PLCE1: variants seen among roughly 807,000 people sequenced by gnomAD.
The protein encoded by PLCE1 is 1-phosphatidylinositol 4,5-bisphosphate phosphodiesterase epsilon-1.
Under a neutral mutation model 242.8 loss-of-function variants are expected in PLCE1, and 119 were observed. That is an observed-to-expected ratio of 0.49 (90% CI 0.42 to 0.57). The LOEUF (loss-of-function observed/expected upper bound fraction) is 0.57, where lower values mean the gene tolerates loss of function less well. Among genes scored for constraint, PLCE1 ranks in the 20% least tolerant of loss-of-function variants. PLCE1 has a pLI of 0.00. For synonymous variants in PLCE1, 945 were observed against 1,017.4 expected (o/e 0.93, Z 1.35); for missense variants, 2,441 against 2,788.8 (o/e 0.88, Z 2.81).
At chr10:94,294,986 T>C (rs2052761822) in intron 23 of PLCE1, among the ~76,000 whole-genome samples, 1 of 149,466 alleles carries the variant, frequency 6.7e-6, no homozygotes, top group African/African-American at 2.5e-5. Flanking sequence ...CAAGATCTTG[T>C]CTCACTGCAA....
At chr10:94,017,459 C>A (rs74668500) in intron 1 of PLCE1, among the ~76,000 whole-genome samples, 1 of 152,176 alleles carries the variant, frequency 6.6e-6, no homozygotes, top group East Asian at 1.9e-4. Context: ...ATTTTTAATT[C>A]TATCCAAAAC....
At chr10:94,083,799 T>C (rs1333098436) in intron 2 of PLCE1, among the ~76,000 whole-genome samples, 2 of 152,226 alleles carry the variant, frequency 1.3e-5, no homozygotes, top group Non-Finnish European at 2.9e-5. Flanking sequence ...ATTTGCCAAG[T>C]GTTGGCCTCG....
chr10:94,282,330 C>T (rs943882018), intron 20 of PLCE1, among the ~76,000 whole-genome samples: 1 of 152,032 alleles, frequency 6.6e-6, no homozygotes, highest in African/African-American at 2.4e-5. Context: ...GAAATTGTAA[C>T]TCTGCCTTTT....
chr10:94,081,705 A>G (rs1014139257), intron 2 of PLCE1, among the ~76,000 whole-genome samples: 1 of 152,242 alleles, frequency 6.6e-6, no homozygotes, highest in Non-Finnish European at 1.5e-5. Flanking sequence ...GTAGGTCTGT[A>G]TCAGCTTTAT....
intron 4 of PLCE1, among the ~76,000 whole-genome samples, chr10:94,185,829 G>C (rs1158260858): frequency 6.6e-6 from 1 of 152,230 alleles, no homozygotes; most frequent in Non-Finnish European, 1.5e-5. Flanking sequence ...TGGAGATTGG[G>C]AAGGCTTTTG....
At chr10:94,317,850 G>A (rs2053631966) in intron 29 of PLCE1, among the ~76,000 whole-genome samples, 1 of 152,168 alleles carries the variant, frequency 6.6e-6, no homozygotes, top group Non-Finnish European at 1.5e-5. Flanking sequence ...AAGCAGTTGA[G>A]TCTATTCAAC....
chr10:94,059,258 G>A (rs1009489924), intron 2 of PLCE1, among the ~76,000 whole-genome samples: 17 of 152,226 alleles, frequency 1.1e-4, no homozygotes, highest in African/African-American at 3.9e-4. Context: ...TGCTTAGGCT[G>A]TAGTGGACAG....
At position 94,328,427 on chromosome 10, in the gene PLCE1, A is replaced by ACTC. The variant is rs535428322; in HGVS notation, c.*485_*487dup. 6.5e-6 allele frequency: 1 copy of ACTC among 152,816 alleles called. No homozygotes were observed. The highest frequency in any genetic ancestry group is 1.5e-5 in the Non-Finnish European group (1 of 68,434). The allele number at this position is 152,816 out of a possible 1,614,324, so 9.5% of individuals were successfully genotyped here. On this transcript the variant is annotated 3_prime_UTR_variant, in exon 33 of 33. Coordinates refer to ENST00000371380, the MANE Select transcript of PLCE1 (RefSeq NM_016341.4). ...CATATATTTTTCACATGTCACAAATACTCTTGTTTTGACTTTTTTTCAACC... is the reference window on the plus strand; with the variant it reads ...CATATATTTTTCACATGTCACAAATACTCCTCTTGTTTTGACTTTTTTTCAACC...
intron 30 of PLCE1, among the ~76,000 whole-genome samples, chr10:94,322,527 G>A (rs1373243206): frequency 6.6e-6 from 1 of 152,156 alleles, no homozygotes; most frequent in Non-Finnish European, 1.5e-5. Flanking sequence ...GTTCACGCCT[G>A]TAATCCCAAC....
chr10:94,324,210 A>G, intron 30 of PLCE1, 139 bp from the exon 31 acceptor site: 1 of 767,340 alleles, frequency 1.3e-6, no homozygotes, highest in South Asian at 1.4e-5. Context: ...CAACTGCAAA[A>G]TGAGTTGGAT....
rs181187042 is a variant in PLCE1 at position 94,201,940 on chromosome 10, G to T, written c.1810-25366G>T. 7.4e-3 allele frequency among the ~76,000 whole-genome samples: 1,121 copies of T among 152,220 alleles called. 16 individuals are homozygous for T. Among genetic ancestry groups the T allele is most frequent in the African/African-American group, 0.026 (1,066 of 41,528 alleles). ...TAAGACTTAAATAAATATGGAAAATGAATTGGTAAAAAAATAAAAATCTAG... is the reference window on the plus strand; with the variant it reads ...TAAGACTTAAATAAATATGGAAAATTAATTGGTAAAAAAATAAAAATCTAG... On this transcript the variant is annotated intron_variant, in intron 4 of 32. Transcript: ENST00000371380.
At chr10:94,258,716 A>G (rs2051188647) in intron 11 of PLCE1, 84 bp from the exon 12 acceptor site, 2 of 1,547,622 alleles carry the variant, frequency 1.3e-6, no homozygotes, top group Non-Finnish European at 1.8e-6. Flanking sequence ...TTTTGCTCAT[A>G]TTGCTAATTG....
intron 2 of PLCE1, among the ~76,000 whole-genome samples, chr10:94,087,890 G>A (rs2044896013): frequency 6.6e-6 from 1 of 152,196 alleles, no homozygotes; most frequent in Admixed American, 6.5e-5. Flanking sequence ...TCCTTGCAAG[G>A]GCCTTGCATT....
chr10:94,197,700 T>C (rs1011154487), intron 4 of PLCE1, among the ~76,000 whole-genome samples: 1 of 152,186 alleles, frequency 6.6e-6, no homozygotes, highest in African/African-American at 2.4e-5. Context: ...ATCTCATTCT[T>C]GGCTGGGTGC....
chr10:94,112,183 T>A (rs969914335), intron 2 of PLCE1, among the ~76,000 whole-genome samples: 3 of 152,168 alleles, frequency 2.0e-5, no homozygotes, highest in Admixed American at 1.3e-4. Context: ...TAATAAAATT[T>A]AAAATATTCT....
At chr10:94,293,438 T>G (rs1428466446) in intron 22 of PLCE1, 70 bp from the exon 23 acceptor site, 1 of 1,531,844 alleles carries the variant, frequency 6.5e-7, no homozygotes, top group East Asian at 2.3e-5. Context: ...TAAATATTAA[T>G]GGGGATGGAA....
Position 94,032,179 on chromosome 10 carries a change from T to G in PLCE1, c.1133T>G (p.Val378Gly). Residue 378 changes from valine to glycine, a missense_variant, in exon 2 of 33, where the codon GTA becomes GGA. Physicochemically the swap from Val to Gly is moderately radical, Grantham distance 109 (BLOSUM62 -3). This residue lies in a region of PLCE1 where 733 missense variants were observed against 754.2 expected (regional missense o/e 0.97). Coordinates refer to ENST00000371380, the MANE Select transcript of PLCE1 (RefSeq NM_016341.4). ...RNGPLLPCGRVMEPPSTVEIR... is the reference protein window; with the variant it reads ...RNGPLLPCGRGMEPPSTVEIR... ...GGTCCCTTACTGCCTTGTGGGAGAGTAATGGAACCCCCGTCAACAGTGGAG... is the reference window on the plus strand; with the variant it reads ...GGTCCCTTACTGCCTTGTGGGAGAGGAATGGAACCCCCGTCAACAGTGGAG... The G allele has an allele frequency of 6.2e-7, 1 of 1,611,404 alleles. No homozygotes were observed. The highest frequency in any genetic ancestry group is 1.1e-5 in the South Asian group (1 of 90,354).
intron 5 of PLCE1, among the ~76,000 whole-genome samples, chr10:94,231,780 C>T (rs1489453421): frequency 6.6e-6 from 1 of 152,094 alleles, no homozygotes; most frequent in East Asian, 1.9e-4. Context: ...CAACCTAGAT[C>T]CCTTACATGC....
chr10:94,156,263 G>A (rs2047431159), intron 3 of PLCE1, among the ~76,000 whole-genome samples: 1 of 152,162 alleles, frequency 6.6e-6, no homozygotes, highest in African/African-American at 2.4e-5. Flanking sequence ...CCTGGAGCTA[G>A]CATCAGACAC....
Sources: allele counts gnomAD v4.1 joint callset (sites outside exome capture counted in the v4.1 genomes callset), GRCh38; gene constraint gnomAD v4.1.1; regional missense constraint gnomAD v4.1.1; transcripts MANE v1.5; gene names NCBI Gene and HGNC (gene_info 2026-07-23, HGNC 2026-07-21).